ZNF704: variants seen among roughly 807,000 people sequenced by gnomAD.
The protein encoded by ZNF704 is zinc finger protein 704, also known as glucocorticoid induced gene 1.
In ZNF704, 10 loss-of-function variants were observed where a neutral mutation model predicts 44.7. That is an observed-to-expected ratio of 0.22 (90% CI 0.14 to 0.38). The LOEUF (loss-of-function observed/expected upper bound fraction) is 0.38. Among genes scored for constraint, ZNF704 ranks in the 10% least tolerant of loss-of-function variants. ZNF704 has a pLI of 1.00. For missense variants in ZNF704, 390 were observed against 545.5 expected, an observed-to-expected ratio of 0.71 and a Z score of 2.84; for synonymous variants, 211 against 207.6, an observed-to-expected ratio of 1.02 and a Z score of -0.14.
chr8:80,719,133 T>A (rs1819122680), intron 2 of ZNF704, among the ~76,000 whole-genome samples: 1 of 152,058 alleles, frequency 6.6e-6, no homozygotes. Context: ...GACCAGCTAA[T>A]TTTTTAAATT....
intron 6 of ZNF704, 69 bp from the exon 7 acceptor site, chr8:80,659,758 A>G (rs958909647): frequency 7.1e-7 from 1 of 1,404,574 alleles, no homozygotes; most frequent in African/African-American, 1.4e-5. Flanking sequence ...AGCTCTTATT[A>G]CCAAAGGAGG....
intron 4 of ZNF704, among the ~76,000 whole-genome samples, chr8:80,685,065 T>C (rs946167033): frequency 2.0e-5 from 3 of 152,038 alleles, no homozygotes; most frequent in African/African-American, 7.2e-5. Context: ...TAAACACTAT[T>C]CTTATTTGTT....
chr8:80,785,691 GGTTT>G (rs1586026115), intron 2 of ZNF704, among the ~76,000 whole-genome samples: 1 of 152,074 alleles, frequency 6.6e-6, no homozygotes, highest in Non-Finnish European at 1.5e-5. Flanking sequence ...CCATCAGTGA[GGTTT>G]GTTTTTGTTT....
chr8:80,723,368 C>G (rs758612177), intron 2 of ZNF704, among the ~76,000 whole-genome samples: 1 of 151,952 alleles, frequency 6.6e-6, no homozygotes, highest in Admixed American at 6.6e-5. Flanking sequence ...AAACGTTAAA[C>G]CGTCAGGATT....
At chr8:80,843,101 T>C (rs1808708457) in intron 1 of ZNF704, among the ~76,000 whole-genome samples, 2 of 152,264 alleles carry the variant, frequency 1.3e-5, no homozygotes, top group African/African-American at 2.4e-5. Context: ...ATATTTCTCA[T>C]ATATTTGGCC....
At chr8:80,655,861 C>T (rs1563507264) in intron 7 of ZNF704, among the ~76,000 whole-genome samples, 2 of 152,198 alleles carry the variant, frequency 1.3e-5, no homozygotes. Context: ...GACAAATAAG[C>T]ACTGCTATTT....
At chr8:80,771,957 T>G (rs761105121) in intron 2 of ZNF704, among the ~76,000 whole-genome samples, 1 of 152,222 alleles carries the variant, frequency 6.6e-6, no homozygotes, top group Non-Finnish European at 1.5e-5. Context: ...TGTTTCTTCT[T>G]TAGCCTATTA....
In ZNF704 at chr8:80,635,846, T is replaced by G. The variant is rs1404366391; in HGVS notation, c.*5520A>C. The G allele has an allele frequency of 6.6e-6, 1 of 152,194 alleles. No individual in the cohort carries two copies. The highest frequency in any genetic ancestry group is 1.5e-5 in the Non-Finnish European group (1 of 68,024). 9.4% of individuals were successfully genotyped at this position (152,194 alleles called of 1,614,324 possible). A position where few individuals can be genotyped will look rare whatever the true frequency, so the allele number is the denominator to read the frequency against. ...AATACCCATTCCATCTGATCTGTAT[T>G]TCTACCCTTGCTGCAGAGGGTTAAT... On this transcript the variant is annotated 3_prime_UTR_variant, in exon 9 of 9. Coordinates refer to ENST00000327835, the MANE Select transcript of ZNF704 (RefSeq NM_001033723.3).
At chr8:80,728,267 G>C (rs559703807) in intron 2 of ZNF704, among the ~76,000 whole-genome samples, 1 of 152,248 alleles carries the variant, frequency 6.6e-6, no homozygotes, top group African/African-American at 2.4e-5. Flanking sequence ...ATTTGCCTCA[G>C]GTCAGAGCTG....
intron 4 of ZNF704, among the ~76,000 whole-genome samples, chr8:80,683,782 TAGTA>T (rs1818491213): frequency 6.6e-6 from 1 of 152,246 alleles, no homozygotes; most frequent in African/African-American, 2.4e-5. Context: ...TCACTACTGA[TAGTA>T]AGAGAGAATG....
At chr8:80,647,407 A>C (rs1007612259) in intron 7 of ZNF704, among the ~76,000 whole-genome samples, 1 of 152,186 alleles carries the variant, frequency 6.6e-6, no homozygotes, top group Non-Finnish European at 1.5e-5. Flanking sequence ...TCTGACCTGC[A>C]ATAAGGGATC....
chr8:80,792,193 C>A (rs371850261), intron 2 of ZNF704, among the ~76,000 whole-genome samples: 1 of 152,160 alleles, frequency 6.6e-6, no homozygotes, highest in East Asian at 1.9e-4. Context: ...CTAGATTGAA[C>A]AAGATTTTAA....
chr8:80,838,619 T>C (rs915438235), intron 1 of ZNF704, among the ~76,000 whole-genome samples: 1 of 126,116 alleles, frequency 7.9e-6, no homozygotes, highest in African/African-American at 3.1e-5. Context: ...GAGCAGACCC[T>C]GGAGGAGGAG....
upstream of ZNF704, among the ~76,000 whole-genome samples, chr8:80,875,051 T>C (rs1809338275): frequency 6.6e-6 from 1 of 152,188 alleles, no homozygotes. Context: ...CTGTCTGATC[T>C]GTAGACTCTC....
At chr8:80,655,004 T>C (rs1817990266) in intron 7 of ZNF704, among the ~76,000 whole-genome samples, 2 of 152,226 alleles carry the variant, frequency 1.3e-5, no homozygotes, top group Non-Finnish European at 2.9e-5. Flanking sequence ...TGGAATACTA[T>C]GCAGCCATAA....
chr8:80,757,221 C>A (rs139636736), intron 2 of ZNF704, among the ~76,000 whole-genome samples: 1 of 152,074 alleles, frequency 6.6e-6, no homozygotes, highest in East Asian at 1.9e-4. Context: ...TGAACACCTT[C>A]CAGTAGAACA....
chr8:80,852,770 G>A (rs967791617), intron 1 of ZNF704, among the ~76,000 whole-genome samples: 5 of 152,132 alleles, frequency 3.3e-5, no homozygotes, highest in Admixed American at 1.3e-4. Flanking sequence ...ATCTTAAGTA[G>A]GAGTGAGTGG....
At chr8:80,727,472 A>G (rs1183110507) in intron 2 of ZNF704, among the ~76,000 whole-genome samples, 1 of 152,000 alleles carries the variant, frequency 6.6e-6, no homozygotes, top group Non-Finnish European at 1.5e-5. Flanking sequence ...CAAAATAACC[A>G]AAACGCACAG....
Position 80,641,360 on chromosome 8 carries a change from G to A in ZNF704, c.*6C>T, listed in dbSNP as rs375106950. On this transcript the variant is annotated 3_prime_UTR_variant, in exon 9 of 9. Coordinates refer to ENST00000327835, the MANE Select transcript of ZNF704 (RefSeq NM_001033723.3). Reference sequence around the variant, plus strand: ...AGGGCCCTGAGCCCCTCTGCCTGGGGGTCTCTCAGTCGAGGAACCTCTGGC... The same window carrying A: ...AGGGCCCTGAGCCCCTCTGCCTGGGAGTCTCTCAGTCGAGGAACCTCTGGC... 5 of 1,605,872 alleles carry A rather than the reference G, an allele frequency of 3.1e-6. No homozygotes were observed. The highest frequency in any genetic ancestry group is 2.7e-5 in the African/African-American group (2 of 74,712).
Sources: gnomAD v4.1 joint callset for allele counts (sites outside exome capture counted in the v4.1 genomes callset) on GRCh38, gnomAD v4.1.1 for gene constraint, MANE v1.5 for transcripts, NCBI Gene and HGNC (gene_info 2026-07-23, HGNC 2026-07-21) for gene names.